Variants in DMD observed in about 807,000 individuals in gnomAD.
DMD encodes mutant dystrophin.
Under a neutral mutation model 330.1 loss-of-function variants are expected in DMD, and 63 were observed. The observed-to-expected ratio is 0.19, with a 90% CI of 0.16 to 0.24. DMD has a LOEUF of 0.24. DMD is among the 10% of genes least tolerant of loss of function. The probability of loss-of-function intolerance (pLI) is 1.00; values close to 1 mark genes in which losing one functional copy is unlikely to be tolerated. For missense variants in DMD, 3,344 were observed against 2,684.1 expected (o/e 1.25, Z -5.43); for synonymous variants, 1,223 against 959.8 (o/e 1.27, Z -5.07).
chrX:32,968,397 C>T (rs1477478844), intron 2 of DMD, among the ~76,000 whole-genome samples: 2 of 111,369 alleles, frequency 1.8e-5, no homozygotes, highest in African/African-American at 6.5e-5. Flanking sequence ...TTGAGAGGAT[C>T]GAATTGCTTC....
intron 44 of DMD, among the ~76,000 whole-genome samples, chrX:32,096,144 A>G (rs1184721557): frequency 9.0e-6 from 1 of 111,505 alleles, no homozygotes. Context: ...ATCCCCTACC[A>G]AATACATTTC....
intron 4 of DMD, among the ~76,000 whole-genome samples, chrX:32,834,505 G>A (rs2079436955): frequency 9.0e-6 from 1 of 111,458 alleles, no homozygotes; most frequent in South Asian, 3.7e-4. Flanking sequence ...TCATTTTTCA[G>A]ATCAGTGACA....
At chrX:32,213,385 C>T (rs751928588) in intron 44 of DMD, among the ~76,000 whole-genome samples, 10 of 112,409 alleles carry the variant, frequency 8.9e-5, no homozygotes, top group South Asian at 3.6e-4. Flanking sequence ...AGGTATCTTA[C>T]GGGGTTGATT....
At chrX:31,421,930 TATACACAC>T (rs2063407246) in intron 60 of DMD, among the ~76,000 whole-genome samples, 4 of 79,387 alleles carry the variant, frequency 5.0e-5, no homozygotes, top group African/African-American at 3.0e-4. Context: ...TATATATATA[TATACACAC>T]ACACATATAT....
chrX:32,376,407 A>T (rs1163816832), intron 34 of DMD, among the ~76,000 whole-genome samples: 1 of 111,976 alleles, frequency 8.9e-6, no homozygotes, highest in Non-Finnish European at 1.9e-5. Context: ...TTGCTCACAC[A>T]ATGATGGTTG....
At chrX:32,614,224 T>C in intron 12 of DMD, 79 bp downstream of exon 12, 5 of 960,291 alleles carry the variant, frequency 5.2e-6, no homozygotes, top group Middle Eastern at 2.7e-4. Flanking sequence ...ATCAACCATG[T>C]CATCTGTGTT....
intron 4 of DMD, among the ~76,000 whole-genome samples, chrX:32,827,797 G>C: frequency 9.1e-6 from 1 of 110,157 alleles, no homozygotes; most frequent in South Asian, 4.0e-4. Context: ...AAGTAGCTGG[G>C]ATTACAGGCA....
rs2148288127 is a variant in DMD at position 32,448,547 on chromosome X, G to A, written c.3695C>T (p.Ala1232Val). ...NSVIAQAPPV[A>V]QEALKKELET... ...AAGTTCCTTTTTTAAGGCCTCTTGT[G>A]CTACAGGTGGAGCTTGAGCTATGAC... The change falls in exon 27 of 79, where the codon GCA becomes GTA. Residue 1232 changes from alanine (A) to valine (V), a missense_variant. Coordinates refer to ENST00000357033, the MANE Select transcript of DMD (RefSeq NM_004006.3). 1 of 1,208,501 alleles carries A rather than the reference G, an allele frequency of 8.3e-7. No individual in the cohort carries two copies. Among genetic ancestry groups the A allele is most frequent in the South Asian group, 1.8e-5 (1 of 56,935 alleles).
intron 3 of DMD, among the ~76,000 whole-genome samples, chrX:32,849,421 A>G (rs904337215): frequency 6.2e-5 from 7 of 112,309 alleles, no homozygotes; most frequent in Non-Finnish European, 7.5e-5. Context: ...ACACAAAAGT[A>G]CAAAGATAAT....
chrX:32,740,237 T>C (rs1317482133), intron 7 of DMD, among the ~76,000 whole-genome samples: 1 of 110,431 alleles, frequency 9.1e-6, no homozygotes, highest in African/African-American at 3.3e-5. Context: ...CAATCTATAG[T>C]GACATGAAGT....
At chrX:33,122,820 C>T (rs2095433122) in intron 1 of DMD, among the ~76,000 whole-genome samples, 1 of 111,715 alleles carries the variant, frequency 9.0e-6, no homozygotes, top group South Asian at 3.8e-4. Flanking sequence ...CTCCCTCTCT[C>T]AACTGTGTTC....
intron 2 of DMD, among the ~76,000 whole-genome samples, chrX:32,919,519 T>C (rs1222377082): frequency 8.9e-6 from 1 of 112,110 alleles, no homozygotes; most frequent in Non-Finnish European, 1.9e-5. Context: ...AGCTCTTTTA[T>C]TTTTTATGTT....
At chrX:31,234,444 C>T (rs1395669143) in intron 63 of DMD, among the ~76,000 whole-genome samples, 1 of 112,461 alleles carries the variant, frequency 8.9e-6, no homozygotes, top group Non-Finnish European at 1.9e-5. Flanking sequence ...CCTTAATACA[C>T]TTACTGTTGC....
chrX:32,557,884 G>A (rs1190714842), intron 16 of DMD, among the ~76,000 whole-genome samples: 1 of 109,797 alleles, frequency 9.1e-6, no homozygotes, highest in East Asian at 2.8e-4. Flanking sequence ...CAGGACAGTA[G>A]CCTGGTAACT....
chrX:33,013,713 C>T (rs2093744145), intron 2 of DMD, among the ~76,000 whole-genome samples: 1 of 112,571 alleles, frequency 8.9e-6, no homozygotes, highest in Non-Finnish European at 1.9e-5. Context: ...TTGTTACCTC[C>T]TTCACTGAAA....
At chrX:33,261,016 T>C (rs2052946018) in intron 1 of DMD, among the ~76,000 whole-genome samples, 1 of 111,650 alleles carries the variant, frequency 9.0e-6, no homozygotes, top group Non-Finnish European at 1.9e-5. Flanking sequence ...GTAATATAGA[T>C]ACATAAAAAC....
intron 42 of DMD, among the ~76,000 whole-genome samples, chrX:32,302,134 A>G (rs2097525659): frequency 9.0e-6 from 1 of 111,341 alleles, no homozygotes; most frequent in Admixed American, 9.6e-5. Flanking sequence ...TTTCAACTTT[A>G]GGGTGGTGAG....
chrX:32,299,916 G>A (rs776827047), intron 42 of DMD, among the ~76,000 whole-genome samples: 1 of 111,207 alleles, frequency 9.0e-6, no homozygotes, highest in Admixed American at 9.6e-5. Context: ...TCTGCTTTTT[G>A]TGCTGCTTTC....
At chrX:32,794,220 C>T (rs184346388) in intron 7 of DMD, among the ~76,000 whole-genome samples, 1 of 111,594 alleles carries the variant, frequency 9.0e-6, no homozygotes, top group African/African-American at 3.3e-5. Flanking sequence ...AAAAAATTAA[C>T]AAAATAAAGA....
Sources: gnomAD v4.1 joint callset for allele counts (sites outside exome capture counted in the v4.1 genomes callset) on GRCh38, gnomAD v4.1.1 for gene constraint, MANE v1.5 for transcripts, NCBI Gene and HGNC (gene_info 2026-07-23, HGNC 2026-07-21) for gene names.